Variants in ZNF710 observed in about 807,000 individuals in gnomAD.
ZNF710 encodes the protein zinc finger protein 710.
ZNF710 carries 13 observed loss-of-function variants against 50.6 expected under a neutral mutation model. That is an observed-to-expected ratio of 0.26 (90% CI 0.17 to 0.41). The LOEUF (loss-of-function observed/expected upper bound fraction) is 0.41. ZNF710 is among the 10% of genes least tolerant of loss of function. The pLI, the probability that ZNF710 is intolerant of heterozygous loss-of-function variation, is 1.00. For synonymous variants in ZNF710, 383 were observed against 397.0 expected (o/e 0.96, Z 0.42); for missense variants, 721 against 936.6 (o/e 0.77, Z 3.01).
Position 90,067,361 on chromosome 15 carries a change from C to T in ZNF710, c.224C>T (p.Ala75Val). 6.3e-7 allele frequency: 1 copy of T among 1,598,668 alleles called. No homozygotes were observed. The highest frequency in any genetic ancestry group is 8.5e-7 in the Non-Finnish European group (1 of 1,172,588). ...DVYQLACNGR[A>V]LEEPAEEEVL... ...TACCAGCTGGCCTGCAACGGGAGGGCCTTGGAGGAGCCGGCGGAGGAGGAG... is the reference window on the plus strand; with the variant it reads ...TACCAGCTGGCCTGCAACGGGAGGGTCTTGGAGGAGCCGGCGGAGGAGGAG... The change falls in exon 2 of 5, where the codon GCC becomes GTC. Residue 75 changes from alanine (A) to valine (V), a missense_variant. Around this residue, in one of 3 missense-constraint regions of ZNF710, gnomAD observed 326 missense variants for 347.1 expected, o/e 0.94. Coordinates refer to ENST00000268154, the MANE Select transcript of ZNF710 (RefSeq NM_198526.4). The surrounding 1 kb of genome is among the most constrained non-coding windows in gnomAD (Gnocchi z 8.1).
At chr15:90,010,526 C>A (rs1207902234) in intron 1 of ZNF710, among the ~76,000 whole-genome samples, 1 of 152,104 alleles carries the variant, frequency 6.6e-6, no homozygotes. Flanking sequence ...GAACCCTGAG[C>A]TCAGGCTATC....
chr15:90,057,387 G>A (rs1899852768), intron 1 of ZNF710, among the ~76,000 whole-genome samples: 1 of 152,088 alleles, frequency 6.6e-6, no homozygotes, highest in African/African-American at 2.4e-5. Flanking sequence ...CCGAGAGTAT[G>A]CGTCAACTCT....
chr15:90,039,189 G>T (rs995509606), intron 1 of ZNF710, among the ~76,000 whole-genome samples: 24 of 152,114 alleles, frequency 1.6e-4, no homozygotes, highest in African/African-American at 5.8e-4. Flanking sequence ...TGAGGCAGGA[G>T]AATCGCTTGA....
At chr15:90,010,836 G>T (rs1898279107) in intron 1 of ZNF710, among the ~76,000 whole-genome samples, 1 of 151,718 alleles carries the variant, frequency 6.6e-6, no homozygotes, top group Non-Finnish European at 1.5e-5. Flanking sequence ...CTGTAACCTT[G>T]ATTTACTGGG....
At position 90,067,435 on chromosome 15, in the gene ZNF710, C is replaced by A. The variant is rs763535727; in HGVS notation, c.298C>A (p.Arg100=). The change falls in exon 2 of 5, where the codon CGG becomes AGG. Residue 100 remains arginine, a synonymous_variant. Coordinates refer to ENST00000268154, the MANE Select transcript of ZNF710 (RefSeq NM_198526.4). The surrounding 1 kb of genome is among the most constrained non-coding windows in gnomAD (Gnocchi z 8.1). ...TGAGAAGCACACCCGGCGGAAGACGCGGCCACCTGTGCGGTTGGTGCCCAA... is the reference window on the plus strand; with the variant it reads ...TGAGAAGCACACCCGGCGGAAGACGAGGCCACCTGTGCGGTTGGTGCCCAA... ...ACEKHTRRKT[R]PPVRLVPKVK... 6.2e-7 allele frequency: 1 copy of A among 1,607,502 alleles called. No individual in the cohort carries two copies. Among genetic ancestry groups the A allele is most frequent in the Non-Finnish European group, 8.5e-7 (1 of 1,176,768 alleles).
upstream of ZNF710, among the ~76,000 whole-genome samples, chr15:89,999,360 G>C (rs1042976985): frequency 3.9e-5 from 6 of 152,220 alleles, no homozygotes; most frequent in African/African-American, 1.4e-4. Context: ...GCCGGCACGG[G>C]GTAGGTACTC....
chr15:90,022,153 G>A (rs980870920), intron 1 of ZNF710, among the ~76,000 whole-genome samples: 1 of 151,906 alleles, frequency 6.6e-6, no homozygotes, highest in African/African-American at 2.4e-5. Flanking sequence ...CGAGGCGAGC[G>A]AATCACGAGG....
intron 1 of ZNF710, among the ~76,000 whole-genome samples, chr15:90,057,746 TAAG>T (rs1899869225): frequency 6.8e-6 from 1 of 146,362 alleles, no homozygotes; most frequent in Non-Finnish European, 1.5e-5. Context: ...CAGAATCACT[TAAG>T]AAGCCTCTAG....
Position 90,040,398 on chromosome 15 carries a change from C to A in ZNF710, c.-28-26712C>A, listed in dbSNP as rs1023956930. On this transcript the variant is annotated intron_variant, in intron 1 of 4. Coordinates refer to ENST00000268154, the MANE Select transcript of ZNF710 (RefSeq NM_198526.4). This position sits in a 1 kb window ranked among gnomAD's most constrained non-coding sequence, Gnocchi z 4.6. ...CTCCGCAGATTTTCCCTGCAAGGTA[C>A]AAGCCCTCCAGCCTCTTCCACCCAA... Among the ~76,000 whole-genome samples, 1 of 152,212 alleles carries A rather than the reference C, an allele frequency of 6.6e-6. No homozygotes were observed. Among genetic ancestry groups the A allele is most frequent in the African/African-American group, 2.4e-5 (1 of 41,456 alleles).
intron 1 of ZNF710, among the ~76,000 whole-genome samples, chr15:90,054,213 G>T (rs945462710): frequency 6.6e-6 from 1 of 152,140 alleles, no homozygotes; most frequent in African/African-American, 2.4e-5. Context: ...AGAAAGAGAT[G>T]AGATGGGAAG....
At chr15:90,001,981 G>A (rs957749404) in intron 1 of ZNF710, among the ~76,000 whole-genome samples, 1 of 148,910 alleles carries the variant, frequency 6.7e-6, no homozygotes, top group Admixed American at 6.7e-5. Context: ...GAGAGAGAGA[G>A]AGAGAGAGAG....
At chr15:90,024,519 G>C (rs530060316) in intron 1 of ZNF710, among the ~76,000 whole-genome samples, 2 of 152,360 alleles carry the variant, frequency 1.3e-5, no homozygotes, top group African/African-American at 4.8e-5. Context: ...GGTGCAAGAT[G>C]ACTCCCAGTA....
rs1467365440 is a variant in ZNF710 at position 90,034,472 on chromosome 15, GTGTA to G, written c.-28-32636_-28-32633del. 5.2e-5 allele frequency among the ~76,000 whole-genome samples: 7 copies of G among 135,502 alleles called. No individual in the cohort carries two copies. The highest frequency in any genetic ancestry group is 1.1e-4 in the Non-Finnish European group (7 of 62,902). The allele number at this position is 135,502 out of a possible 152,430, so 88.9% of individuals were successfully genotyped here. On this transcript the variant is annotated intron_variant, in intron 1 of 4. Transcript: ENST00000268154. The surrounding 1 kb of genome is among the most constrained non-coding windows in gnomAD (Gnocchi z 4.0). ...TGTGTGTGTGTGTGTGTGTGTGTGT[GTGTA>G]TTCTGTGCCTGTGGTGGTGGTGGCC...
intron 1 of ZNF710, among the ~76,000 whole-genome samples, chr15:90,010,011 C>T (rs984762290): frequency 1.3e-5 from 2 of 152,130 alleles, no homozygotes; most frequent in Non-Finnish European, 2.9e-5. Context: ...GGGTCTGGCT[C>T]ATCACTCTGG....
Position 90,074,011 on chromosome 15 carries a change from A to AAAC in ZNF710, c.1651-104_1651-103insACA, listed in dbSNP as rs1555460021. The AAAC allele has an allele frequency of 2.4e-6, 3 of 1,266,380 alleles. No homozygotes were observed. The African/African-American group carries it at 4.8e-5, about 20-fold the overall frequency. 78.4% of individuals were successfully genotyped at this position (1,266,380 alleles called of 1,614,324 possible). ...TCTCAAAAAAAAAACAAAAAAAAAA[A>AAAC]ACAAAAGAATAGGATTCTGGCCCAG... On this transcript the variant is annotated intron_variant, in intron 3 of 4. Coordinates refer to ENST00000268154, the MANE Select transcript of ZNF710 (RefSeq NM_198526.4).
In ZNF710 at chr15:90,062,888, A is replaced by G. The variant is rs1006693265; in HGVS notation, c.-28-4222A>G. ...GCCTGGCCGCCCCAGTGAACAAGAC[A>G]ACATGGACACGGGGCCTGCCCCCAT... On this transcript the variant is annotated intron_variant, in intron 1 of 4. Coordinates refer to ENST00000268154, the MANE Select transcript of ZNF710 (RefSeq NM_198526.4). This position sits in a 1 kb window ranked among gnomAD's most constrained non-coding sequence, Gnocchi z 5.6. Among the ~76,000 whole-genome samples, 1 of 152,164 alleles carries G rather than the reference A, an allele frequency of 6.6e-6. No individual in the cohort carries two copies. The highest frequency in any genetic ancestry group is 1.5e-5 in the Non-Finnish European group (1 of 68,008).
At chr15:90,032,100 A>G (rs1383916318) in intron 1 of ZNF710, among the ~76,000 whole-genome samples, 1 of 152,150 alleles carries the variant, frequency 6.6e-6, no homozygotes. Flanking sequence ...AGGTTCAAGC[A>G]ATTCTCTTGC....
intron 1 of ZNF710, among the ~76,000 whole-genome samples, chr15:90,011,447 T>TA: frequency 6.6e-6 from 1 of 152,232 alleles, no homozygotes; most frequent in Non-Finnish European, 1.5e-5. Flanking sequence ...GGTGTCTATA[T>TA]ATTTTTTTCA....
At position 90,034,466 on chromosome 15, in the gene ZNF710, G is replaced by GTGTA. The variant is rs1899051400; in HGVS notation, c.-28-32641_-28-32640insATGT. ...TGTGTGTGTGTGTGTGTGTGTGTGT[G>GTGTA]TGTGTGTGTATTCTGTGCCTGTGGT... On this transcript the variant is annotated intron_variant, in intron 1 of 4. Transcript: ENST00000268154. The surrounding 1 kb of genome is among the most constrained non-coding windows in gnomAD (Gnocchi z 4.0). 6.8e-6 allele frequency among the ~76,000 whole-genome samples: 1 copy of GTGTA among 146,076 alleles called. No individual in the cohort carries two copies. Among genetic ancestry groups the GTGTA allele is most frequent in the Non-Finnish European group, 1.5e-5 (1 of 67,560 alleles).
Sources: gnomAD v4.1 joint callset for allele counts (sites outside exome capture counted in the v4.1 genomes callset) on GRCh38, gnomAD v4.1.1 for gene constraint, gnomAD v4.1.1 regional missense constraint, Gnocchi (gnomAD v3.1) non-coding constraint, MANE v1.5 for transcripts, NCBI Gene and HGNC (gene_info 2026-07-23, HGNC 2026-07-21) for gene names.